The following CCBE1 variants were observed in gnomAD, a reference collection of about 807,000 sequenced individuals.
The protein encoded by CCBE1 is collagen and calcium-binding EGF domain-containing protein 1.
CCBE1 carries 37 observed loss-of-function variants against 50.0 expected under a neutral mutation model. The ratio of observed to expected loss-of-function variants is 0.74; its 90% CI spans 0.57 to 0.97. CCBE1 has a LOEUF of 0.97. CCBE1 is among the 50% of genes least tolerant of loss of function. The pLI is 0.00. For missense variants in CCBE1, 538 were observed against 523.8 expected, an observed-to-expected ratio of 1.03 and a Z score of -0.26; for synonymous variants, 234 against 203.7, an observed-to-expected ratio of 1.15 and a Z score of -1.27.
At chr18:59,558,945 A>G (rs188950056) in intron 2 of CCBE1, among the ~76,000 whole-genome samples, 5 of 152,322 alleles carry the variant, frequency 3.3e-5, no homozygotes, top group African/African-American at 1.2e-4. Context: ...ACGGCCCCCT[A>G]AGTGCTCTTT....
chr18:59,624,746 C>A (rs2053757466), intron 2 of CCBE1, among the ~76,000 whole-genome samples: 1 of 152,204 alleles, frequency 6.6e-6, no homozygotes, highest in African/African-American at 2.4e-5. Context: ...TTGTCACCAG[C>A]CACTTTGGTG....
chr18:59,454,830 TCCCAC>T lies in CCBE1; in HGVS notation c.654+16_654+20del, dbSNP rs763656052. 4.4e-6 allele frequency: 7 copies of T among 1,605,164 alleles called. No individual in the cohort carries two copies. The South Asian group carries it at 7.7e-5, about 18-fold the overall frequency. On this transcript the variant is annotated intron_variant, in intron 6 of 10. Transcript: ENST00000439986. ...CCCTCCTTCCATCAGGCATCATCGT[TCCCAC>T]CCCAGCGGCACGTACCTTTTGCTTC...
chr18:59,687,804 C>A (rs1453069646), intron 2 of CCBE1, among the ~76,000 whole-genome samples: 1 of 151,844 alleles, frequency 6.6e-6, no homozygotes, highest in Non-Finnish European at 1.5e-5. Flanking sequence ...ACTAAAAATA[C>A]AAAAAAATTA....
At chr18:59,605,175 G>C (rs1168649555) in intron 2 of CCBE1, among the ~76,000 whole-genome samples, 1 of 152,188 alleles carries the variant, frequency 6.6e-6, no homozygotes, top group African/African-American at 2.4e-5. Flanking sequence ...GGCACAGCAG[G>C]GAGAAATGGA....
At chr18:59,451,357 C>T (rs1051226528) in intron 6 of CCBE1, among the ~76,000 whole-genome samples, 1 of 150,418 alleles carries the variant, frequency 6.6e-6, no homozygotes, top group Non-Finnish European at 1.5e-5. Context: ...CTTCTGGAGT[C>T]TCCCTTCCCA....
chr18:59,693,854 A>T (rs59625538), intron 2 of CCBE1, among the ~76,000 whole-genome samples: 7,441 of 144,726 alleles, frequency 0.051, 657 homozygotes, highest in African/African-American at 0.18. Context: ...ATTTCTTGTT[A>T]AAGGAAAGCC....
intron 2 of CCBE1, among the ~76,000 whole-genome samples, chr18:59,626,234 C>T (rs1324047939): frequency 5.3e-5 from 8 of 152,132 alleles, no homozygotes; most frequent in Admixed American, 5.2e-4. Context: ...AAAGTTCCAC[C>T]TTAAAGTACT....
intron 2 of CCBE1, among the ~76,000 whole-genome samples, chr18:59,582,306 G>C (rs34378232): frequency 6.6e-6 from 1 of 152,174 alleles, no homozygotes; most frequent in South Asian, 2.1e-4. Context: ...ACTGCATGGT[G>C]ACCTGAAACC....
At chr18:59,593,129 G>T (rs2053298355) in intron 2 of CCBE1, among the ~76,000 whole-genome samples, 1 of 152,186 alleles carries the variant, frequency 6.6e-6, no homozygotes, top group Admixed American at 6.5e-5. Context: ...TATATTTATT[G>T]TCCTGGGTGG....
intron 2 of CCBE1, among the ~76,000 whole-genome samples, chr18:59,522,301 T>C (rs1914634681): frequency 6.6e-6 from 1 of 152,188 alleles, no homozygotes; most frequent in Non-Finnish European, 1.5e-5. Flanking sequence ...CAACGTAAGA[T>C]GAAACCAATT....
intron 2 of CCBE1, among the ~76,000 whole-genome samples, chr18:59,486,380 AAGAAATAGGGGG>A (rs1912824402): frequency 6.6e-6 from 1 of 152,294 alleles, no homozygotes; most frequent in Admixed American, 6.5e-5. Context: ...AAAATAGGGG[AAGAAATAGGGGG>A]AAGACAAGTA....
chr18:59,618,678 TCAGCCTCC>T (rs2053670569), intron 2 of CCBE1, among the ~76,000 whole-genome samples: 1 of 152,120 alleles, frequency 6.6e-6, no homozygotes, highest in Admixed American at 6.5e-5. Flanking sequence ...TCCACCCACC[TCAGCCTCC>T]CAAAGTGCTG....
At chr18:59,575,735 C>G (rs1375315150) in intron 2 of CCBE1, among the ~76,000 whole-genome samples, 1 of 152,174 alleles carries the variant, frequency 6.6e-6, no homozygotes, top group East Asian at 1.9e-4. Flanking sequence ...TCCTAAGTTG[C>G]AGTGGCTAGA....
intron 2 of CCBE1, among the ~76,000 whole-genome samples, chr18:59,547,700 G>A (rs1489709874): frequency 6.6e-6 from 1 of 152,160 alleles, no homozygotes; most frequent in Non-Finnish European, 1.5e-5. Context: ...AGTACTTCTG[G>A]CTACACTTCA....
chr18:59,562,907 A>G (rs895835350), intron 2 of CCBE1, among the ~76,000 whole-genome samples: 2 of 151,990 alleles, frequency 1.3e-5, no homozygotes, highest in African/African-American at 4.8e-5. Flanking sequence ...CGTTTGTTTC[A>G]GTTCTCTTGT....
intron 2 of CCBE1, among the ~76,000 whole-genome samples, chr18:59,595,224 C>CT (rs34017366): frequency 0.019 from 2,620 of 140,514 alleles, 42 homozygotes; most frequent in African/African-American, 0.054. Flanking sequence ...CTGTTTTTTG[C>CT]TTTTTTTTTT....
chr18:59,550,409 G>C (rs1175736089), intron 2 of CCBE1, among the ~76,000 whole-genome samples: 1 of 152,198 alleles, frequency 6.6e-6, no homozygotes, highest in African/African-American at 2.4e-5. Context: ...CTGGCCTTTA[G>C]AGAGTTTTCT....
At chr18:59,543,258 A>AT (rs1915539650) in intron 2 of CCBE1, among the ~76,000 whole-genome samples, 1 of 152,218 alleles carries the variant, frequency 6.6e-6, no homozygotes, top group African/African-American at 2.4e-5. Flanking sequence ...ACCATACCTG[A>AT]AGAAATCCTG....
chr18:59,488,844 A>T (rs1302164938), intron 2 of CCBE1, among the ~76,000 whole-genome samples: 1 of 152,176 alleles, frequency 6.6e-6, no homozygotes, highest in Non-Finnish European at 1.5e-5. Flanking sequence ...CAGCACATGT[A>T]AAAAGACATC....
Sources: gnomAD v4.1 joint callset for allele counts (sites outside exome capture counted in the v4.1 genomes callset) on GRCh38, gnomAD v4.1.1 for gene constraint, MANE v1.5 for transcripts, NCBI Gene and HGNC (gene_info 2026-07-23, HGNC 2026-07-21) for gene names.